NR3C2: variants seen among roughly 807,000 people sequenced by gnomAD.
The protein encoded by NR3C2 is mineralocorticoid receptor.
NR3C2 carries 15 observed loss-of-function variants against 86.4 expected under a neutral mutation model. The ratio of observed to expected loss-of-function variants is 0.17; its 90% CI spans 0.12 to 0.27. The LOEUF (loss-of-function observed/expected upper bound fraction) is 0.27, where lower values mean the gene tolerates loss of function less well. Among genes scored for constraint, NR3C2 ranks in the 10% least tolerant of loss-of-function variants. The probability of loss-of-function intolerance (pLI) is 1.00; values close to 1 mark genes in which losing one functional copy is unlikely to be tolerated. For synonymous variants in NR3C2, 458 were observed against 450.5 expected (o/e 1.02, Z -0.21); for missense variants, 960 against 1,195.6 (o/e 0.80, Z 2.91).
At chr4:148,291,822 T>C (rs1023171472) in intron 2 of NR3C2, among the ~76,000 whole-genome samples, 2 of 152,148 alleles carry the variant, frequency 1.3e-5, no homozygotes, top group African/African-American at 4.8e-5. Context: ...AAACTGAAAG[T>C]GCATTTAATG....
At chr4:148,298,931 C>T (rs1742193942) in intron 2 of NR3C2, among the ~76,000 whole-genome samples, 1 of 152,184 alleles carries the variant, frequency 6.6e-6, no homozygotes, top group South Asian at 2.1e-4. Context: ...GGTGTGCCTG[C>T]AACAGACCAG....
At chr4:148,199,749 T>C (rs1736622111) in intron 3 of NR3C2, among the ~76,000 whole-genome samples, 1 of 152,152 alleles carries the variant, frequency 6.6e-6, no homozygotes, top group Non-Finnish European at 1.5e-5. Context: ...TAAGGCAGAA[T>C]ATAAAAAGGT....
intron 8 of NR3C2, among the ~76,000 whole-genome samples, chr4:148,084,722 T>C (rs1437414356): frequency 1.3e-5 from 2 of 152,118 alleles, no homozygotes; most frequent in African/African-American, 4.8e-5. Context: ...GTCTGGCAAA[T>C]TCAATCAAGA....
chr4:148,219,901 T>C (rs1455374713), intron 3 of NR3C2, among the ~76,000 whole-genome samples: 1 of 152,164 alleles, frequency 6.6e-6, no homozygotes. Flanking sequence ...CTTACATAAA[T>C]AAAAGCTCTT....
Position 148,435,432 on chromosome 4 carries a change from C to G in NR3C2, c.1429G>C (p.Val477Leu). ...TCACAGTTACCATCAAAGCCGGGCACAGGTGGTCCTAAAATTCCTGATAGG... is the reference window on the plus strand; with the variant it reads ...TCACAGTTACCATCAAAGCCGGGCAGAGGTGGTCCTAAAATTCCTGATAGG... ...YSLSGILGPP[V>L]PGFDGNCEGS... Residue 477 changes from valine to leucine, a missense_variant, in exon 2 of 9, where the codon GTG becomes CTG. Val to Leu is a conservative substitution (Grantham distance 32). Transcript: ENST00000358102. The G allele has an allele frequency of 6.2e-7, 1 of 1,614,156 alleles. No homozygotes were observed. The highest frequency in any genetic ancestry group is 1.1e-5 in the South Asian group (1 of 91,080).
rs148563851 is a variant in NR3C2 at position 148,366,741 on chromosome 4, T to C, written c.1757+68363A>G. ...ATACTTAAATCCAGAGGGACTACTC[T>C]CCATCCTGAATATCAAAAGCTAAAA... On this transcript the variant is annotated intron_variant, in intron 2 of 8. Transcript: ENST00000358102. Among the ~76,000 whole-genome samples, 6 of 152,176 alleles carry C rather than the reference T, an allele frequency of 3.9e-5. 1 individual carries two copies. The East Asian group carries it at 1.2e-3, about 29-fold the overall frequency.
chr4:148,117,650 G>A (rs921014821), intron 7 of NR3C2, among the ~76,000 whole-genome samples: 1 of 152,140 alleles, frequency 6.6e-6, no homozygotes, highest in African/African-American at 2.4e-5. Context: ...CCAAACACAG[G>A]TAAAGCAGGA....
At chr4:148,376,660 G>T (rs1242324366) in intron 2 of NR3C2, among the ~76,000 whole-genome samples, 1 of 152,106 alleles carries the variant, frequency 6.6e-6, no homozygotes, top group East Asian at 1.9e-4. Flanking sequence ...CATGATGTTT[G>T]GCAGTACAGG....
chr4:148,349,590 A>C (rs72656836), intron 2 of NR3C2, among the ~76,000 whole-genome samples: 3 of 152,138 alleles, frequency 2.0e-5, no homozygotes, highest in African/African-American at 7.2e-5. Context: ...CGACTAAGCA[A>C]ACCTTCTTAA....
intron 2 of NR3C2, among the ~76,000 whole-genome samples, chr4:148,288,043 A>G (rs1326254082): frequency 6.6e-6 from 1 of 152,212 alleles, no homozygotes; most frequent in African/African-American, 2.4e-5. Context: ...AATCATTTCC[A>G]TAAAAAAACA....
chr4:148,386,114 T>C (rs144290966), intron 2 of NR3C2, among the ~76,000 whole-genome samples: 9 of 151,894 alleles, frequency 5.9e-5, no homozygotes, highest in African/African-American at 1.9e-4. Context: ...CCACTCTAAA[T>C]CCCTCCTCCT....
intron 3 of NR3C2, among the ~76,000 whole-genome samples, chr4:148,252,740 G>T (rs1008016203): frequency 6.6e-6 from 1 of 152,168 alleles, no homozygotes; most frequent in Non-Finnish European, 1.5e-5. Flanking sequence ...CAAAGGCCTT[G>T]AGACATATAT....
chr4:148,147,239 A>C (rs1262086419), intron 6 of NR3C2, among the ~76,000 whole-genome samples: 4 of 152,208 alleles, frequency 2.6e-5, no homozygotes, highest in Non-Finnish European at 5.9e-5. Context: ...AGTGATGCTA[A>C]TACCGAAGAA....
chr4:148,130,809 G>GT lies in NR3C2; in HGVS notation c.2511-10522dup, dbSNP rs1326806513. On this transcript the variant is annotated intron_variant, in intron 6 of 8. Transcript: ENST00000358102. ...CACGTTTTTTTTTTTGTTTTGTTTT[G>GT]TTTTGTTTTGTTTTTTTTTTTTTTT... Among the ~76,000 whole-genome samples the GT allele has an allele frequency of 1.3e-3, 66 of 52,154 alleles. 4 individuals carry two copies. Among genetic ancestry groups the GT allele is most frequent in the African/African-American group, 1.8e-3 (37 of 20,336 alleles). The allele number at this position is 52,154 out of a possible 152,430, so 34.2% of individuals were successfully genotyped here. A position where few individuals can be genotyped will look rare whatever the true frequency, so the allele number is the denominator to read the frequency against.
At chr4:148,159,665 C>T (rs1347527301) in intron 4 of NR3C2, among the ~76,000 whole-genome samples, 21 of 152,226 alleles carry the variant, frequency 1.4e-4, no homozygotes, top group African/African-American at 2.4e-5. Context: ...CTATGCTACA[C>T]GCAGTCTCTC....
intron 2 of NR3C2, among the ~76,000 whole-genome samples, chr4:148,314,164 T>C (rs971339073): frequency 6.6e-6 from 1 of 152,032 alleles, no homozygotes; most frequent in African/African-American, 2.4e-5. Context: ...CTTCAAAAGC[T>C]ATATGATCGC....
intron 3 of NR3C2, among the ~76,000 whole-genome samples, chr4:148,247,084 TG>T (rs1394145078): frequency 1.3e-5 from 2 of 152,200 alleles, no homozygotes; most frequent in African/African-American, 4.8e-5. Flanking sequence ...ACTTATGTAA[TG>T]GTAAGTTATG....
rs748634905 is a variant in NR3C2, at chr4:148,435,743, G to C, written c.1118C>G (p.Pro373Arg). ...CTCTACTTCCTCAGTCTTAGGAAAA[G>C]GGACCTCTTGAGCACCTTTCTCCTG... is the stretch of plus-strand genomic sequence containing the variant. ...DTQEKGAQEVPFPKTEEVESA... is the reference protein window; with the variant it reads ...DTQEKGAQEVRFPKTEEVESA... The change falls in exon 2 of 9, where the codon CCT becomes CGT. Residue 373 changes from proline (P) to arginine (R), a missense_variant. Coordinates refer to ENST00000358102, the MANE Select transcript of NR3C2 (RefSeq NM_000901.5). 1 of 1,614,188 alleles carries C rather than the reference G, an allele frequency of 6.2e-7. No individual in the cohort carries two copies. Among genetic ancestry groups the C allele is most frequent in the South Asian group, 1.1e-5 (1 of 91,080 alleles).
chr4:148,141,809 T>A (rs1200028866), intron 6 of NR3C2, among the ~76,000 whole-genome samples: 1 of 152,110 alleles, frequency 6.6e-6, no homozygotes, highest in Non-Finnish European at 1.5e-5. Flanking sequence ...GGCTGCATGC[T>A]CCTTATGAGA....
Sources: gnomAD v4.1 joint callset for allele counts (sites outside exome capture counted in the v4.1 genomes callset) on GRCh38, gnomAD v4.1.1 for gene constraint, MANE v1.5 for transcripts, NCBI Gene and HGNC (gene_info 2026-07-23, HGNC 2026-07-21) for gene names.